The following POLR1D variants were observed in gnomAD, a reference collection of about 807,000 sequenced individuals.
The protein encoded by POLR1D is RNA polymerase I and III subunit D.
In POLR1D, 8 loss-of-function variants were observed where a neutral mutation model predicts 10.8. The observed-to-expected ratio is 0.74, with a 90% CI of 0.43 to 1.33. POLR1D has a LOEUF of 1.33. POLR1D is among the 40% of genes most tolerant of loss of function. The probability of loss-of-function intolerance (pLI) is 0.01; values close to 1 mark genes in which losing one functional copy is unlikely to be tolerated. For missense variants in POLR1D, 152 were observed against 161.7 expected (o/e 0.94, Z 0.32); for synonymous variants, 54 against 57.2 (o/e 0.94, Z 0.25).
intron 1 of POLR1D, among the ~76,000 whole-genome samples, chr13:27,640,315 G>A (rs901556630): frequency 6.6e-6 from 1 of 152,170 alleles, no homozygotes; most frequent in Admixed American, 6.5e-5. Flanking sequence ...CCCTACTCAT[G>A]TTTTGACCTG....
intron 1 of POLR1D, 167 bp downstream of exon 1, chr13:27,622,176 A>G: frequency 1.5e-6 from 1 of 667,148 alleles, no homozygotes; most frequent in Non-Finnish European, 2.7e-6. Flanking sequence ...TGAGAGGCTG[A>G]GAGGTACACT....
downstream of POLR1D, among the ~76,000 whole-genome samples, chr13:27,627,428 C>T (rs1956024051): frequency 6.6e-6 from 1 of 152,022 alleles, no homozygotes; most frequent in Non-Finnish European, 1.5e-5. Flanking sequence ...TCCTGAAAAC[C>T]CTTCTGTGGT....
At position 27,623,081 on chromosome 13, in the gene POLR1D, G is replaced by A. The variant is rs754405433; in HGVS notation, c.233G>A (p.Ser78Asn). ...CGYTTTHPSE[S>N]KINLRIQTRG... ...TACACTACGACCCATCCTTCAGAGA[G>A]CAAAATTAATTTACGCATTCAGACT... Residue 78 changes from serine (S) to asparagine (N), a missense_variant, in exon 2 of 2, where the codon AGC becomes AAC. Coordinates refer to ENST00000302979, the MANE Select transcript of POLR1D (RefSeq NM_015972.4). 5.0e-6 allele frequency: 8 copies of A among 1,614,024 alleles called. No individual in the cohort carries two copies. In the South Asian group the frequency reaches 7.7e-5, roughly 16 times the overall value.
At chr13:27,659,926 A>ATATG (rs10674067) in intron 2 of POLR1D, among the ~76,000 whole-genome samples, 2 of 133,646 alleles carry the variant, frequency 1.5e-5, no homozygotes, top group Non-Finnish European at 3.1e-5. Flanking sequence ...ATATATATAT[A>ATATG]CACACACATA....
In POLR1D at chr13:27,621,918, C is replaced by T. The variant is rs946941068; in HGVS notation, c.-66C>T. The T allele has an allele frequency of 8.5e-6, 13 of 1,537,334 alleles. No individual in the cohort carries two copies. The Admixed American group carries it at 1.9e-4, about 23-fold the overall frequency. On this transcript the variant is annotated 5_prime_UTR_variant, in exon 1 of 2. Coordinates refer to ENST00000302979, the MANE Select transcript of POLR1D (RefSeq NM_015972.4). ...CTTGCTTCCTGCTTCGCCTCCGCGC[C>T]TCGCGCTATGGGACAGAGCCCCCGA...
At chr13:27,644,059 G>A (rs775501150) in intron 1 of POLR1D, among the ~76,000 whole-genome samples, 11 of 152,094 alleles carry the variant, frequency 7.2e-5, no homozygotes, top group Non-Finnish European at 1.0e-4. Context: ...AGCTTCTAAC[G>A]TTCAGCCTTG....
At chr13:27,661,579 C>G (rs1956364289) in intron 2 of POLR1D, among the ~76,000 whole-genome samples, 2 of 152,114 alleles carry the variant, frequency 1.3e-5, no homozygotes, top group African/African-American at 4.8e-5. Context: ...ATCTTATGCT[C>G]AATTTCAGGG....
At chr13:27,648,911 C>T (rs144181749) in intron 2 of POLR1D, among the ~76,000 whole-genome samples, 55 of 152,236 alleles carry the variant, frequency 3.6e-4, no homozygotes, top group African/African-American at 1.2e-3. Flanking sequence ...AGATTATGTA[C>T]AAAATAGAGC....
At chr13:27,655,680 A>G (rs774313297) in intron 2 of POLR1D, among the ~76,000 whole-genome samples, 18 of 152,244 alleles carry the variant, frequency 1.2e-4, no homozygotes, top group Non-Finnish European at 2.4e-4. Context: ...TAAAGGTGCA[A>G]TTTTTCAGCT....
Position 27,621,936 on chromosome 13 carries a change from G to A in POLR1D, c.-48G>A. The A allele has an allele frequency of 1.3e-6, 2 of 1,569,396 alleles. No individual in the cohort carries two copies. Among genetic ancestry groups the A allele is most frequent in the Non-Finnish European group, 1.7e-6 (2 of 1,155,376 alleles). Reference sequence around the variant, plus strand: ...TCCGCGCCTCGCGCTATGGGACAGAGCCCCCGATCCGCCAGCACCACCTGA... The same window carrying A: ...TCCGCGCCTCGCGCTATGGGACAGAACCCCCGATCCGCCAGCACCACCTGA... On this transcript the variant is annotated 5_prime_UTR_variant, in exon 1 of 2. Transcript: ENST00000302979.
At chr13:27,641,855 G>T (rs1956176532) in intron 1 of POLR1D, among the ~76,000 whole-genome samples, 1 of 152,174 alleles carries the variant, frequency 6.6e-6, no homozygotes, top group Non-Finnish European at 1.5e-5. Context: ...GCTCCCCCGT[G>T]CATGTAACAG....
At chr13:27,637,508 T>G (rs1035629353) in intron 1 of POLR1D, among the ~76,000 whole-genome samples, 1 of 152,240 alleles carries the variant, frequency 6.6e-6, no homozygotes, top group Non-Finnish European at 1.5e-5. Flanking sequence ...TTCATCACTT[T>G]GAACTTTTAT....
At chr13:27,640,081 TAG>T (rs2138544469) in intron 1 of POLR1D, among the ~76,000 whole-genome samples, 2 of 152,234 alleles carry the variant, frequency 1.3e-5, no homozygotes, top group East Asian at 3.9e-4. Flanking sequence ...GGTAGCTACA[TAG>T]AGTTGTGAGG....
chr13:27,662,312 T>C (rs1956372094), intron 2 of POLR1D, among the ~76,000 whole-genome samples: 1 of 152,162 alleles, frequency 6.6e-6, no homozygotes, highest in Non-Finnish European at 1.5e-5. Flanking sequence ...TAATTTTAGA[T>C]ATTTTTACAT....
At chr13:27,636,659 C>A (rs563420615) in intron 1 of POLR1D, among the ~76,000 whole-genome samples, 6 of 152,146 alleles carry the variant, frequency 3.9e-5, no homozygotes, top group Non-Finnish European at 8.8e-5. Flanking sequence ...AAATGCAGCG[C>A]CCCTTTCTTG....
chr13:27,624,713 C>T (rs935649697), downstream of POLR1D, among the ~76,000 whole-genome samples: 14 of 151,848 alleles, frequency 9.2e-5, no homozygotes, highest in South Asian at 4.2e-4. Context: ...ATGGGGAGTC[C>T]CTGTCTCTAC....
intron 2 of POLR1D, chr13:27,651,218 G>C (rs1956266028): frequency 6.6e-6 from 1 of 152,110 alleles, no homozygotes; most frequent in South Asian, 2.1e-4. Flanking sequence ...CCATAAGGCT[G>C]CAATCACAAA....
intron 1 of POLR1D, among the ~76,000 whole-genome samples, chr13:27,631,029 T>C (rs1956067697): frequency 6.6e-6 from 1 of 152,236 alleles, no homozygotes. Flanking sequence ...ACATGGCCTG[T>C]CCATTTCCAA....
chr13:27,627,725 T>C (rs1417378564), downstream of POLR1D, among the ~76,000 whole-genome samples: 1 of 137,654 alleles, frequency 7.3e-6, no homozygotes, highest in Non-Finnish European at 1.5e-5. Context: ...CGTAAAGTTT[T>C]AGTTTTTTTT....
Sources: gnomAD v4.1 joint callset for allele counts (sites outside exome capture counted in the v4.1 genomes callset) on GRCh38, gnomAD v4.1.1 for gene constraint, MANE v1.5 for transcripts, NCBI Gene and HGNC (gene_info 2026-07-23, HGNC 2026-07-21) for gene names.